The following RIMS1 variants were observed in gnomAD, a reference collection of about 807,000 sequenced individuals.
RIMS1 encodes regulating synaptic membrane exocytosis protein 1.
RIMS1 carries 83 observed loss-of-function variants against 214.1 expected under a neutral mutation model. The ratio of observed to expected loss-of-function variants is 0.39; its 90% confidence interval spans 0.32 to 0.47. RIMS1 has a LOEUF of 0.47. Ranked by LOEUF, RIMS1 falls within the 20% of genes least tolerant of loss-of-function variation. RIMS1 has a pLI of 0.99. For synonymous variants in RIMS1, 793 were observed against 786.8 expected, an observed-to-expected ratio of 1.01 and a Z score of -0.13; for missense variants, 2,050 against 2,161.8, an observed-to-expected ratio of 0.95 and a Z score of 1.03.
Position 72,233,868 on chromosome 6 carries a change from G to A in RIMS1, c.1746+28G>A, listed in dbSNP as rs781300501. ...AAGTTTTCTGGAAAGTGTGTTTGGAGTTTAGGGAATATGTGTGCTCGTTAA... is the reference window on the plus strand; with the variant it reads ...AAGTTTTCTGGAAAGTGTGTTTGGAATTTAGGGAATATGTGTGCTCGTTAA... On this transcript the variant is annotated intron_variant, in intron 7 of 33. Transcript: ENST00000521978. The A allele has an allele frequency of 8.8e-6, 13 of 1,470,964 alleles. No homozygotes were observed. The East Asian group carries it at 1.2e-4, about 14-fold the overall frequency. The allele number at this position is 1,470,964 out of a possible 1,614,324, so 91.1% of individuals were successfully genotyped here. A position where few individuals can be genotyped will look rare whatever the true frequency, so the allele number is the denominator to read the frequency against.
intron 1 of RIMS1, among the ~76,000 whole-genome samples, chr6:71,952,044 G>T (rs1013042116): frequency 2.0e-5 from 3 of 152,148 alleles, no homozygotes; most frequent in Non-Finnish European, 2.9e-5. Context: ...CAGATTGGTG[G>T]CCCTATGACA....
At chr6:72,098,843 T>C (rs1311139208) in intron 3 of RIMS1, among the ~76,000 whole-genome samples, 1 of 152,218 alleles carries the variant, frequency 6.6e-6, no homozygotes, top group Non-Finnish European at 1.5e-5. Context: ...TGGTTTGTTA[T>C]AGGCAATCAT....
At chr6:71,937,936 G>T (rs756991444) in intron 1 of RIMS1, among the ~76,000 whole-genome samples, 3 of 151,942 alleles carry the variant, frequency 2.0e-5, no homozygotes, top group Non-Finnish European at 2.9e-5. Context: ...CCAAAATCCG[G>T]AGTCTCATCT....
intron 2 of RIMS1, among the ~76,000 whole-genome samples, chr6:72,052,897 C>T (rs1039857017): frequency 6.6e-6 from 1 of 152,162 alleles, no homozygotes; most frequent in African/African-American, 2.4e-5. Context: ...GTTGTATTCA[C>T]AAGCTGGTGG....
At chr6:72,159,025 G>C (rs945102103) in intron 4 of RIMS1, among the ~76,000 whole-genome samples, 1 of 140,688 alleles carries the variant, frequency 7.1e-6, no homozygotes, top group Non-Finnish European at 1.6e-5. Context: ...AACAGTGTAA[G>C]TGTTCCTATT....
In RIMS1 at chr6:71,892,884, G is replaced by A. The variant is rs146567798; in HGVS notation, c.164+5697G>A. Among the ~76,000 whole-genome samples the A allele has an allele frequency of 7.3e-3, 1,103 of 152,128 alleles. 15 individuals are homozygous for A. Among genetic ancestry groups the A allele is most frequent in the African/African-American group, 0.025 (1,050 of 41,484 alleles). On this transcript the variant is annotated intron_variant, in intron 1 of 33. Transcript: ENST00000521978. ...AAAAAGAGGTGAGTGCTGGATAGTT[G>A]GATAGAACACTGGACTAGATTCTGG...
chr6:72,290,933 A>G, intron 25 of RIMS1, 72 bp downstream of exon 25: 1 of 1,375,944 alleles, frequency 7.3e-7, no homozygotes, highest in Non-Finnish European at 1.0e-6. Flanking sequence ...TACCTTCCTG[A>G]GCACTTGAAG....
At chr6:72,017,334 A>T (rs1019680371) in intron 2 of RIMS1, among the ~76,000 whole-genome samples, 3 of 152,244 alleles carry the variant, frequency 2.0e-5, no homozygotes, top group Non-Finnish European at 4.4e-5. Context: ...TTTTGTAAAT[A>T]ACACAAATGC....
intron 6 of RIMS1, among the ~76,000 whole-genome samples, chr6:72,231,258 G>A (rs1262200272): frequency 1.3e-5 from 2 of 151,538 alleles, no homozygotes; most frequent in Admixed American, 6.6e-5. Flanking sequence ...AACAAAGGTA[G>A]TTTACAACTA....
At chr6:72,204,667 A>G (rs929171240) in intron 6 of RIMS1, among the ~76,000 whole-genome samples, 1 of 152,236 alleles carries the variant, frequency 6.6e-6, no homozygotes, top group African/African-American at 2.4e-5. Flanking sequence ...TTATAAGCAT[A>G]AACGGAGAAA....
At chr6:71,892,815 C>T (rs1285544700) in intron 1 of RIMS1, among the ~76,000 whole-genome samples, 1 of 152,032 alleles carries the variant, frequency 6.6e-6, no homozygotes, top group East Asian at 1.9e-4. Context: ...GCTTACAGCC[C>T]AATGTTGGCT....
chr6:72,239,920 TTCCA>T (rs1294905700), intron 9 of RIMS1, among the ~76,000 whole-genome samples: 1 of 150,734 alleles, frequency 6.6e-6, no homozygotes, highest in Non-Finnish European at 1.5e-5. Context: ...TTGAAGGCCT[TTCCA>T]TCCTTCACAA....
chr6:71,973,941 A>C (rs1796523469), intron 2 of RIMS1, among the ~76,000 whole-genome samples: 1 of 152,134 alleles, frequency 6.6e-6, no homozygotes, highest in Non-Finnish European at 1.5e-5. Context: ...GTCAGTGTAG[A>C]TAGAGCAAGG....
chr6:72,112,719 T>C (rs2036347242), intron 4 of RIMS1, among the ~76,000 whole-genome samples: 1 of 152,164 alleles, frequency 6.6e-6, no homozygotes, highest in Non-Finnish European at 1.5e-5. Flanking sequence ...CCATGTAAAA[T>C]TGTAGCCACA....
At chr6:72,291,392 C>T (rs893094661) in intron 25 of RIMS1, among the ~76,000 whole-genome samples, 1 of 152,158 alleles carries the variant, frequency 6.6e-6, no homozygotes. Context: ...CAGTGTATTT[C>T]ATAACATATG....
intron 2 of RIMS1, among the ~76,000 whole-genome samples, chr6:72,086,360 A>G (rs1834656888): frequency 6.6e-6 from 1 of 152,174 alleles, no homozygotes; most frequent in Non-Finnish European, 1.5e-5. Context: ...AAGTATTGAT[A>G]ATTTTTAATG....
chr6:71,996,299 T>C (rs193212337), intron 2 of RIMS1, among the ~76,000 whole-genome samples: 1 of 152,234 alleles, frequency 6.6e-6, no homozygotes, highest in African/African-American at 2.4e-5. Context: ...CAATCCCATT[T>C]TTATATGATC....
intron 1 of RIMS1, among the ~76,000 whole-genome samples, chr6:71,928,629 C>T (rs1782211580): frequency 1.3e-5 from 2 of 152,042 alleles, no homozygotes; most frequent in Non-Finnish European, 2.9e-5. Context: ...ACTAATCTAT[C>T]ATTTTGACTA....
intron 2 of RIMS1, among the ~76,000 whole-genome samples, chr6:71,990,198 T>C (rs1456966553): frequency 6.6e-6 from 1 of 152,172 alleles, no homozygotes; most frequent in Non-Finnish European, 1.5e-5. Flanking sequence ...TGACATAAAC[T>C]CCACAAACTC....
Sources: allele counts gnomAD v4.1 joint callset (sites outside exome capture counted in the v4.1 genomes callset), GRCh38; gene constraint gnomAD v4.1.1; transcripts MANE v1.5; gene names NCBI Gene and HGNC (gene_info 2026-07-23, HGNC 2026-07-21).